The following FRMPD4 variants were observed in gnomAD, a reference collection of about 807,000 sequenced individuals.
FRMPD4 encodes the protein FERM and PDZ domain-containing protein 4.
FRMPD4 carries 22 observed loss-of-function variants against 94.1 expected under a neutral mutation model. The ratio of observed to expected loss-of-function variants is 0.23; its 90% CI spans 0.17 to 0.33. FRMPD4 has a LOEUF of 0.33. Ranked by LOEUF, FRMPD4 falls within the 10% of genes least tolerant of loss-of-function variation. The pLI is 1.00. For missense variants in FRMPD4, 1,111 were observed against 1,339.9 expected, an observed-to-expected ratio of 0.83 and a Z score of 2.67; for synonymous variants, 631 against 548.6, an observed-to-expected ratio of 1.15 and a Z score of -2.10.
intron 3 of FRMPD4, among the ~76,000 whole-genome samples, chrX:12,054,060 T>G (rs1316294649): frequency 9.0e-6 from 1 of 111,687 alleles, no homozygotes; most frequent in Non-Finnish European, 1.9e-5. Context: ...AGGGCGCCTC[T>G]CGTATGAGGG....
At chrX:11,921,960 A>G (rs979450326) in intron 3 of FRMPD4, among the ~76,000 whole-genome samples, 5 of 111,702 alleles carry the variant, frequency 4.5e-5, no homozygotes, top group African/African-American at 1.6e-4. Context: ...TCATGAGGGT[A>G]GCTACACAGC....
chrX:12,142,945 C>T (rs1013549), intron 1 of FRMPD4, among the ~76,000 whole-genome samples: 35,852 of 111,076 alleles, frequency 0.32, 6,304 homozygotes, highest in African/African-American at 0.64. Flanking sequence ...GTTCATTCTC[C>T]CCCTTTACAT....
At chrX:12,215,246 C>T (rs916317431) in intron 1 of FRMPD4, among the ~76,000 whole-genome samples, 1 of 111,266 alleles carries the variant, frequency 9.0e-6, no homozygotes, top group African/African-American at 3.3e-5. Context: ...AAGAAACCTC[C>T]AAGAAACTTG....
chrX:11,972,452 G>A (rs2054344988), intron 3 of FRMPD4, among the ~76,000 whole-genome samples: 1 of 112,342 alleles, frequency 8.9e-6, no homozygotes, highest in Admixed American at 9.4e-5. Context: ...AATTGCAGAG[G>A]AGTTTTCCAG....
intron 10 of FRMPD4, 124 bp from the exon 11 acceptor site, chrX:12,704,235 G>A (rs1259119218): frequency 1.1e-5 from 5 of 436,792 alleles, no homozygotes; most frequent in African/African-American, 2.5e-5. Flanking sequence ...TTCCTTTGGG[G>A]ACTTGTCTCC....
intron 3 of FRMPD4, among the ~76,000 whole-genome samples, chrX:11,956,182 G>A (rs1420558882): frequency 8.9e-6 from 1 of 111,784 alleles, no homozygotes; most frequent in East Asian, 2.8e-4. Flanking sequence ...CCATATGCTT[G>A]ATCGCTGCTG....
chrX:11,899,468 AC>A (rs1434137345), intron 3 of FRMPD4, among the ~76,000 whole-genome samples: 37 of 98,865 alleles, frequency 3.7e-4, no homozygotes, highest in Non-Finnish European at 6.6e-4. Flanking sequence ...TTTTATTGTT[AC>A]CCCAGTGACA....
Position 12,724,214 on chromosome X carries a change from C to A in FRMPD4, c.*2356C>A, listed in dbSNP as rs1026668302. ...AACAACTTCCCAGTCCATTGGAGTT[C>A]TTTGAGAAGCCTCAGGGAAGTAGCT... On this transcript the variant is annotated 3_prime_UTR_variant, in exon 17 of 17. Coordinates refer to ENST00000675598, the MANE Select transcript of FRMPD4 (RefSeq NM_001368397.1). The A allele has an allele frequency of 3.6e-5, 4 of 111,494 alleles. No homozygotes were observed. In the East Asian group the frequency reaches 1.1e-3, roughly 31 times the overall value. The allele number at this position is 111,494 out of a possible 1,213,427, so 9.2% of individuals were successfully genotyped here. A position where few individuals can be genotyped will look rare whatever the true frequency, so the allele number is the denominator to read the frequency against.
chrX:12,674,975 A>G lies in FRMPD4; in HGVS notation c.468+67A>G. The G allele has an allele frequency of 4.3e-6, 3 of 689,933 alleles. No individual in the cohort carries two copies. The Admixed American group carries it at 6.7e-5, about 15-fold the overall frequency. The allele number at this position is 689,933 out of a possible 1,213,427, so 56.9% of individuals were successfully genotyped here. On this transcript the variant is annotated intron_variant, in intron 5 of 16. Transcript: ENST00000675598. Reference sequence around the variant, plus strand: ...GCTTCTTGTTTCTTCTGCCCACTCCAGTAAAACCATAATGATGAATAACAG... The same window carrying G: ...GCTTCTTGTTTCTTCTGCCCACTCCGGTAAAACCATAATGATGAATAACAG...
chrX:12,646,278 A>G (rs764857705), intron 4 of FRMPD4, among the ~76,000 whole-genome samples: 1 of 112,145 alleles, frequency 8.9e-6, no homozygotes, highest in African/African-American at 3.2e-5. Context: ...TCCTATTAAT[A>G]TAAAACAGAA....
intron 3 of FRMPD4, among the ~76,000 whole-genome samples, chrX:11,955,837 TATCATTTCACTCCTACTAAGTGGGC>T (rs1342870892): frequency 9.0e-6 from 1 of 111,133 alleles, no homozygotes; most frequent in East Asian, 2.8e-4. Flanking sequence ...GCTAAGTGGG[TATCATTTCACTCCTACTAAGTGGGC>T]ATCATTTCAC....
At chrX:12,418,434 C>G (rs1413192377) in intron 1 of FRMPD4, among the ~76,000 whole-genome samples, 2 of 103,309 alleles carry the variant, frequency 1.9e-5, no homozygotes, top group Non-Finnish European at 3.9e-5. Flanking sequence ...TCTTGGCTCA[C>G]TGCAACCTCC....
intron 2 of FRMPD4, among the ~76,000 whole-genome samples, chrX:12,553,466 A>ATATATATATATATC (rs368999462): frequency 0.012 from 937 of 77,279 alleles, 13 homozygotes; most frequent in Admixed American, 0.023. Flanking sequence ...ATATATATAT[A>ATATATATATATATC]TCTAATCCAC....
At chrX:12,534,699 C>T (rs1361238456) in intron 2 of FRMPD4, among the ~76,000 whole-genome samples, 3 of 112,617 alleles carry the variant, frequency 2.7e-5, no homozygotes, top group Non-Finnish European at 5.6e-5. Context: ...CTGTAGCCCC[C>T]GTGTTCTGGC....
At chrX:12,038,267 C>A (rs759121884) in intron 3 of FRMPD4, among the ~76,000 whole-genome samples, 153 of 111,933 alleles carry the variant, frequency 1.4e-3, no homozygotes, top group African/African-American at 4.7e-3. Context: ...TATGAGATTT[C>A]CAGTTGCTCC....
chrX:12,269,352 T>A (rs367891055), intron 1 of FRMPD4, among the ~76,000 whole-genome samples: 2 of 103,868 alleles, frequency 1.9e-5, no homozygotes, highest in Non-Finnish European at 3.9e-5. Flanking sequence ...ATTAATAAAA[T>A]AAAAAAAAAA....
At chrX:12,169,692 C>G (rs977508669) in intron 1 of FRMPD4, among the ~76,000 whole-genome samples, 1 of 112,227 alleles carries the variant, frequency 8.9e-6, no homozygotes, top group Non-Finnish European at 1.9e-5. Context: ...GTTTACCAAA[C>G]TCATAGACTT....
In FRMPD4 at chrX:12,532,505, A is replaced by G. The variant is rs1041237245; in HGVS notation, c.158+33709A>G. 3.6e-5 allele frequency among the ~76,000 whole-genome samples: 4 copies of G among 112,024 alleles called. No individual in the cohort carries two copies. In the Admixed American group the frequency reaches 3.8e-4, roughly 11 times the overall value. The stretch of plus-strand genomic sequence containing the variant: ...AATATAAACTATAGACTAGAGTAGT[A>G]TTAGCAGTATCTGTGACTTGGTTAC... On this transcript the variant is annotated intron_variant, in intron 2 of 16. Coordinates refer to ENST00000675598, the MANE Select transcript of FRMPD4 (RefSeq NM_001368397.1).
At chrX:12,342,207 A>G (rs1047512571) in intron 1 of FRMPD4, among the ~76,000 whole-genome samples, 1 of 112,213 alleles carries the variant, frequency 8.9e-6, no homozygotes, top group African/African-American at 3.2e-5. Context: ...AGTTGTCTCT[A>G]GGGTTCCATA....
Sources: allele counts gnomAD v4.1 joint callset (sites outside exome capture counted in the v4.1 genomes callset), GRCh38; gene constraint gnomAD v4.1.1; transcripts MANE v1.5; gene names NCBI Gene and HGNC (gene_info 2026-07-23, HGNC 2026-07-21).